The following PPIL3 variants were observed in gnomAD, a reference collection of about 807,000 sequenced individuals.
PPIL3 encodes the protein peptidylprolyl isomerase like 3.
In PPIL3, 13 loss-of-function variants were observed where a neutral mutation model predicts 20.9. The observed-to-expected ratio is 0.62, with a 90% confidence interval of 0.40 to 0.99. The LOEUF (loss-of-function observed/expected upper bound fraction) is 0.99, where lower values mean the gene tolerates loss of function less well. Ranked by LOEUF, PPIL3 falls within the 50% of genes least tolerant of loss-of-function variation. The pLI, the probability that PPIL3 is intolerant of heterozygous loss-of-function variation, is 0.00. For missense variants in PPIL3, 170 were observed against 195.2 expected (o/e 0.87, Z 0.77); for synonymous variants, 71 against 64.4 (o/e 1.10, Z -0.49).
intron 6 of PPIL3, among the ~76,000 whole-genome samples, chr2:200,873,196 T>C (rs1448817523): frequency 9.8e-6 from 1 of 101,952 alleles, no homozygotes; most frequent in Non-Finnish European, 2.1e-5. Context: ...TATTTCTTTC[T>C]TTTTTTTTTT....
At chr2:200,873,752 C>T (rs941175890) in intron 6 of PPIL3, among the ~76,000 whole-genome samples, 5 of 151,508 alleles carry the variant, frequency 3.3e-5, no homozygotes, top group Admixed American at 6.6e-5. Flanking sequence ...AAGCGTGAGT[C>T]ACTGCACCTG....
chr2:200,874,046 A>G (rs1415768321), intron 6 of PPIL3, among the ~76,000 whole-genome samples: 1 of 151,422 alleles, frequency 6.6e-6, no homozygotes, highest in Non-Finnish European at 1.5e-5. Context: ...TCTACTAAAA[A>G]TACAAAAAAT....
At chr2:200,882,262 G>A (rs1559340676) in intron 4 of PPIL3, 80 bp downstream of exon 4, 13 of 934,032 alleles carry the variant, frequency 1.4e-5, no homozygotes, top group South Asian at 2.8e-5. Context: ...AAAACTCCAC[G>A]TATTTAATTC....
At chr2:200,874,013 G>A (rs549148192) in intron 6 of PPIL3, among the ~76,000 whole-genome samples, 116 of 151,388 alleles carry the variant, frequency 7.7e-4, no homozygotes, top group African/African-American at 2.5e-3. Flanking sequence ...AGACCATCCT[G>A]GCTAACATGG....
intron 6 of PPIL3, among the ~76,000 whole-genome samples, chr2:200,874,021 T>G (rs11687102): frequency 5.3e-5 from 8 of 150,444 alleles, no homozygotes; most frequent in South Asian, 2.1e-4. Context: ...CTGGCTAACA[T>G]GGTGAAACCC....
chr2:200,885,318 C>T (rs1250637993), intron 3 of PPIL3: 6 of 358,218 alleles, frequency 1.7e-5, no homozygotes, highest in Non-Finnish European at 2.0e-5. Context: ...TTGCAGTGAG[C>T]CGAGATCGCG....
intron 1 of PPIL3, 95 bp from the exon 2 acceptor site, chr2:200,887,780 G>T: frequency 2.0e-6 from 1 of 498,664 alleles, no homozygotes; most frequent in African/African-American, 2.0e-5. Flanking sequence ...AACCTCGCCG[G>T]GCGTGGTGGC....
chr2:200,875,930 A>G (rs1390815603), intron 6 of PPIL3, among the ~76,000 whole-genome samples: 2 of 152,052 alleles, frequency 1.3e-5, no homozygotes. Context: ...TTCCTCCCTG[A>G]TACACAGAAG....
At chr2:200,887,753 T>C in intron 1 of PPIL3, 68 bp from the exon 2 acceptor site, 1 of 640,466 alleles carries the variant, frequency 1.6e-6, no homozygotes, top group South Asian at 2.4e-5. Context: ...TCATCTTTAC[T>C]GAACATTTTA....
intron 6 of PPIL3, among the ~76,000 whole-genome samples, chr2:200,873,393 T>C (rs1422706739): frequency 1.3e-5 from 2 of 151,954 alleles, no homozygotes; most frequent in African/African-American, 2.4e-5. Flanking sequence ...TTTCACCACA[T>C]TGGCCAGGCT....
Position 200,873,546 on chromosome 2 carries a change from G to C in PPIL3, c.360-2025C>G, listed in dbSNP as rs750831349. On this transcript the variant is annotated intron_variant, in intron 6 of 6. Transcript: ENST00000392283. Reference sequence around the variant, plus strand: ...ATAACAACAAGAAGTAATAAAAATAGGAGAAGAGAAGACTGACAGTTAACA... The same window carrying C: ...ATAACAACAAGAAGTAATAAAAATACGAGAAGAGAAGACTGACAGTTAACA... Among the ~76,000 whole-genome samples, 57 of 152,182 alleles carry C rather than the reference G, an allele frequency of 3.7e-4. No individual in the cohort carries two copies. The East Asian group carries it at 4.4e-3, about 12-fold the overall frequency.
chr2:200,881,369 C>G, intron 5 of PPIL3, 52 bp downstream of exon 5: 1 of 1,385,524 alleles, frequency 7.2e-7, no homozygotes, highest in Non-Finnish European at 1.0e-6. Flanking sequence ...ATCAAAGTTT[C>G]CATGCATAAC....
intron 2 of PPIL3, among the ~76,000 whole-genome samples, chr2:200,886,024 T>G (rs564406185): frequency 6.6e-6 from 1 of 152,146 alleles, no homozygotes; most frequent in South Asian, 2.1e-4. Flanking sequence ...TGACAAAAAT[T>G]TGGAAGTAAA....
At chr2:200,885,001 G>A (rs1393290440) in intron 3 of PPIL3, 1 of 151,466 alleles carries the variant, frequency 6.6e-6, no homozygotes, top group Non-Finnish European at 1.5e-5. Context: ...CAGAGGCGAA[G>A]GTTGCAGTGA....
intron 2 of PPIL3, among the ~76,000 whole-genome samples, chr2:200,887,314 G>A (rs1282543635): frequency 2.0e-5 from 3 of 149,722 alleles, no homozygotes; most frequent in East Asian, 2.0e-4. Flanking sequence ...TGAACCCAGG[G>A]GCAGAGGCTG....
At chr2:200,879,334 T>C (rs1001104223) in intron 5 of PPIL3, among the ~76,000 whole-genome samples, 10 of 152,044 alleles carry the variant, frequency 6.6e-5, no homozygotes, top group South Asian at 4.1e-4. Context: ...TTAGCCAGCA[T>C]GGTCTTGATC....
intron 3 of PPIL3, among the ~76,000 whole-genome samples, 193 bp from the exon 4 acceptor site, chr2:200,882,628 C>T (rs72929010): frequency 0.048 from 7,340 of 152,150 alleles, 252 homozygotes; most frequent in Middle Eastern, 0.099. Context: ...CAAAATCTTT[C>T]GCCGGGCATG....
At chr2:200,873,166 A>G (rs553383664) in intron 6 of PPIL3, among the ~76,000 whole-genome samples, 9 of 150,710 alleles carry the variant, frequency 6.0e-5, no homozygotes, top group African/African-American at 2.0e-4. Flanking sequence ...CAAGCCCAGC[A>G]GTTAATTGTT....
intron 6 of PPIL3, 63 bp from the exon 7 acceptor site, chr2:200,871,584 A>G (rs1223136470): frequency 7.1e-7 from 1 of 1,415,816 alleles, no homozygotes. Context: ...ATCCATATCT[A>G]TGACAATTAC....
Sources: gnomAD v4.1 joint callset for allele counts (sites outside exome capture counted in the v4.1 genomes callset) on GRCh38, gnomAD v4.1.1 for gene constraint, MANE v1.5 for transcripts, NCBI Gene and HGNC (gene_info 2026-07-23, HGNC 2026-07-21) for gene names.